The following ENC1 variants were observed in gnomAD, a reference collection of about 807,000 sequenced individuals.
The protein encoded by ENC1 is ectoderm-neural cortex protein 1.
Under a neutral mutation model 40.9 loss-of-function variants are expected in ENC1, and 19 were observed. The observed-to-expected ratio is 0.46, with a 90% CI of 0.32 to 0.68. ENC1 has a LOEUF of 0.68. Ranked by LOEUF, ENC1 falls within the 30% of genes least tolerant of loss-of-function variation. The pLI is 0.03. For synonymous variants in ENC1, 285 were observed against 291.1 expected, an observed-to-expected ratio of 0.98 and a Z score of 0.21; for missense variants, 479 against 737.5, an observed-to-expected ratio of 0.65 and a Z score of 4.06.
In ENC1 at chr5:74,635,962, T is replaced by A; in HGVS notation, c.524A>T (p.Asn175Ile). The part of the protein sequence containing the change: ...YELSWRMCLS[N>I]FQTIRKNEDF... ...TTCATTCTTCCTGATGGTTTGGAAG[T>A]TGCTGAGACACATTCTCCAAGATAG... is the stretch of plus-strand genomic sequence containing the variant. The change falls in exon 2 of 3, where the codon AAC becomes ATC. Residue 175 changes from asparagine (N) to isoleucine (I), a missense_variant. Asn to Ile is a moderately radical substitution (Grantham distance 149, BLOSUM62 -3). Transcript: ENST00000302351. This position sits in a 1 kb window ranked among gnomAD's most constrained non-coding sequence, Gnocchi z 5.5. 1 of 1,614,186 alleles carries A rather than the reference T, an allele frequency of 6.2e-7. No individual in the cohort carries two copies.
At chr5:74,631,123 C>T (rs565656396) in intron 2 of ENC1, among the ~76,000 whole-genome samples, 1 of 151,374 alleles carries the variant, frequency 6.6e-6, no homozygotes, top group Non-Finnish European at 1.5e-5. Context: ...AATACACACA[C>T]CCTCCCCCCA....
At chr5:74,637,416 T>C (rs1338638663) in intron 1 of ENC1, 1 of 152,198 alleles carries the variant, frequency 6.6e-6, no homozygotes, top group Non-Finnish European at 1.5e-5. Context: ...AGCACCCCAA[T>C]TTCAACATTA....
intron 2 of ENC1, among the ~76,000 whole-genome samples, chr5:74,633,621 C>A (rs1245870050): frequency 6.6e-6 from 1 of 152,164 alleles, no homozygotes; most frequent in East Asian, 1.9e-4. Flanking sequence ...CATTTTTAAA[C>A]CCTAATCATT....
At chr5:74,638,778 G>C (rs1361768510) in intron 1 of ENC1, among the ~76,000 whole-genome samples, 1 of 152,214 alleles carries the variant, frequency 6.6e-6, no homozygotes, top group East Asian at 1.9e-4. Flanking sequence ...ACTTACTCTT[G>C]TGAATCTGCC....
chr5:74,633,862 A>G (rs1747476504), intron 2 of ENC1, among the ~76,000 whole-genome samples: 1 of 152,156 alleles, frequency 6.6e-6, no homozygotes, highest in Admixed American at 6.5e-5. Context: ...AGGTTTTTTC[A>G]TCTATAAAAT....
Position 74,636,726 on chromosome 5 carries a change from TAA to T in ENC1, c.-13-230_-13-229del, listed in dbSNP as rs11430998. On this transcript the variant is annotated intron_variant, in intron 1 of 2. Coordinates refer to ENST00000302351, the MANE Select transcript of ENC1 (RefSeq NM_003633.4). This position sits in a 1 kb window ranked among gnomAD's most constrained non-coding sequence, Gnocchi z 4.8. ...TGAGCTATTTGAACTCTGCACTGTT[TAA>T]AAAAAAAAAAAAAATCACTGCATAA... Among the ~76,000 whole-genome samples the T allele has an allele frequency of 0.04, 5,845 of 146,392 alleles. 128 individuals are homozygous for T. The highest frequency in any genetic ancestry group is 0.047 in the Non-Finnish European group (3,126 of 66,498).
chr5:74,631,658 G>T (rs886983648), intron 2 of ENC1, among the ~76,000 whole-genome samples: 5 of 152,170 alleles, frequency 3.3e-5, no homozygotes, highest in Non-Finnish European at 5.9e-5. Context: ...TCTCTCACTG[G>T]TAGCGCCAAG....
Position 74,634,734 on chromosome 5 carries a change from C to T in ENC1, c.1752G>A (p.Trp584Ter). The T allele has an allele frequency of 6.2e-7, 1 of 1,609,578 alleles. No homozygotes were observed. Among genetic ancestry groups the T allele is most frequent in the South Asian group, 1.1e-5 (1 of 90,998 alleles). Residue 584 changes from tryptophan (W) to a stop codon, truncating the protein, a stop_gained, in exon 2 of 3, where the codon TGG (tryptophan) becomes TGA (stop). Coordinates refer to ENST00000302351, the MANE Select transcript of ENC1 (RefSeq NM_003633.4). LOFTEE classifies it high-confidence loss of function. ...ACTGCATTTAAGAAGGCAGATGTTT[C>T]CAGGTGCTGACAAATGCAGTAGGAA... ...SLIPTAFVST[W>*]KHLPS
Position 74,629,759 on chromosome 5 carries a change from T to G in ENC1, c.*266A>C, listed in dbSNP as rs1176983200. 6.6e-6 allele frequency: 1 copy of G among 152,116 alleles called. No individual in the cohort carries two copies. Among genetic ancestry groups the G allele is most frequent in the Non-Finnish European group, 1.5e-5 (1 of 68,024 alleles). 9.4% of individuals were successfully genotyped at this position (152,116 alleles called of 1,614,324 possible). ...ATTAACATTGACATTAATCCACAAT[T>G]ACAAGACAAGGACTAGATCACAGGT... On this transcript the variant is annotated 3_prime_UTR_variant, in exon 3 of 3. Transcript: ENST00000302351.
rs553888892 is a variant in ENC1 at position 74,633,723 on chromosome 5, C to T, written c.*32+961G>A. On this transcript the variant is annotated intron_variant, in intron 2 of 2. Coordinates refer to ENST00000302351, the MANE Select transcript of ENC1 (RefSeq NM_003633.4). The stretch of plus-strand genomic sequence containing the variant: ...CATGGATGTGAAGCTCAAGTTTATT[C>T]GGTGGCAGTGCAACACGATGCTCCA... Among the ~76,000 whole-genome samples, 19 of 152,316 alleles carry T rather than the reference C, an allele frequency of 1.2e-4. No individual in the cohort carries two copies. The East Asian group carries it at 2.9e-3, about 23-fold the overall frequency.
chr5:74,633,681 TG>T (rs1178539622), intron 2 of ENC1, among the ~76,000 whole-genome samples: 2 of 152,214 alleles, frequency 1.3e-5, no homozygotes, highest in African/African-American at 4.8e-5. Context: ...AAGTATCACC[TG>T]GGATGACATT....
In ENC1 at chr5:74,628,976, A is replaced by C. The variant is rs919495476; in HGVS notation, c.*1049T>G. 3 of 152,182 alleles carry C rather than the reference A, an allele frequency of 2.0e-5. No individual in the cohort carries two copies. Among genetic ancestry groups the C allele is most frequent in the Non-Finnish European group, 4.4e-5 (3 of 68,030 alleles). 9.4% of individuals were successfully genotyped at this position (152,182 alleles called of 1,614,324 possible). The stretch of plus-strand genomic sequence containing the variant: ...TTCCAAATTTCAGCAGCTGAGACTG[A>C]ATTAAGTAAATCAGATGGGAGTGGG... On this transcript the variant is annotated 3_prime_UTR_variant, in exon 3 of 3. Transcript: ENST00000302351.
chr5:74,630,207 C>T (rs943884517), intron 2 of ENC1, among the ~76,000 whole-genome samples: 1 of 152,162 alleles, frequency 6.6e-6, no homozygotes, highest in African/African-American at 2.4e-5. Context: ...CACACGTGTG[C>T]ACGTACACAT....
rs11430998 is a variant in ENC1 at position 74,636,726 on chromosome 5, TA to T, written c.-13-229del. Among the ~76,000 whole-genome samples the T allele has an allele frequency of 0.45, 65,454 of 146,336 alleles. 14,120 individuals are homozygous for T. The highest frequency in any genetic ancestry group is 0.47 in the Non-Finnish European group (31,293 of 66,498). ...TGAGCTATTTGAACTCTGCACTGTT[TA>T]AAAAAAAAAAAAAAATCACTGCATA... On this transcript the variant is annotated intron_variant, in intron 1 of 2. Transcript: ENST00000302351. This position sits in a 1 kb window ranked among gnomAD's most constrained non-coding sequence, Gnocchi z 4.8.
At chr5:74,631,168 A>G (rs1747380093) in intron 2 of ENC1, among the ~76,000 whole-genome samples, 1 of 152,178 alleles carries the variant, frequency 6.6e-6, no homozygotes, top group African/African-American at 2.4e-5. Context: ...CGATAATAAA[A>G]AAAAAAAGGA....
At position 74,627,864 on chromosome 5, in the gene ENC1, G is replaced by C. The variant is rs1747254528; in HGVS notation, c.*2161C>G. ...GCCTATATCGATTCAAAGAGTGGGA[G>C]TCCAGAAAGTTCCCTACAGGCTGGG... On this transcript the variant is annotated 3_prime_UTR_variant, in exon 3 of 3. Transcript: ENST00000302351. 1 of 152,656 alleles carries C rather than the reference G, an allele frequency of 6.6e-6. No individual in the cohort carries two copies. The highest frequency in any genetic ancestry group is 1.5e-5 in the Non-Finnish European group (1 of 68,088). The allele number at this position is 152,656 out of a possible 1,614,324, so 9.5% of individuals were successfully genotyped here. A position where few individuals can be genotyped will look rare whatever the true frequency, so the allele number is the denominator to read the frequency against.
Position 74,640,431 on chromosome 5 carries a change from C to T in ENC1, c.-138G>A, listed in dbSNP as rs1747816210. The T allele has an allele frequency of 6.6e-6, 1 of 152,354 alleles. No homozygotes were observed. Among genetic ancestry groups the T allele is most frequent in the African/African-American group, 2.4e-5 (1 of 41,474 alleles). The allele number at this position is 152,354 out of a possible 1,614,324, so 9.4% of individuals were successfully genotyped here. ...ATGCCCCGGAGAAAGGAGGGCCAGC[C>T]GGGGAGAGGACTGCGCCCCGAACGA... On this transcript the variant is annotated 5_prime_UTR_variant, in exon 1 of 3. Transcript: ENST00000302351.
chr5:74,638,351 A>G (rs1000394207), intron 1 of ENC1, among the ~76,000 whole-genome samples: 9 of 152,292 alleles, frequency 5.9e-5, no homozygotes, highest in African/African-American at 1.9e-4. Flanking sequence ...TGACACATAT[A>G]CCTCATACCA....
Position 74,633,771 on chromosome 5 carries a change from C to A in ENC1, c.*32+913G>T, listed in dbSNP as rs192470602. 3.5e-3 allele frequency among the ~76,000 whole-genome samples: 532 copies of A among 152,308 alleles called. 2 individuals are homozygous for A. The highest frequency in any genetic ancestry group is 0.015 in the South Asian group (73 of 4,824). ...CCAGTGCTGATGCCCTAGAGCCAGACCCCCTGCATTGACTTCCTAACCAGC... is the reference window on the plus strand; with the variant it reads ...CCAGTGCTGATGCCCTAGAGCCAGAACCCCTGCATTGACTTCCTAACCAGC... On this transcript the variant is annotated intron_variant, in intron 2 of 2. Coordinates refer to ENST00000302351, the MANE Select transcript of ENC1 (RefSeq NM_003633.4).
Sources: gnomAD v4.1 joint callset for allele counts (sites outside exome capture counted in the v4.1 genomes callset) on GRCh38, gnomAD v4.1.1 for gene constraint, Gnocchi (gnomAD v3.1) non-coding constraint, MANE v1.5 for transcripts, NCBI Gene and HGNC (gene_info 2026-07-23, HGNC 2026-07-21) for gene names.